KCNQ1: variants seen among roughly 807,000 people sequenced by gnomAD.
The protein encoded by KCNQ1 is potassium voltage-gated channel subfamily Q member 1.
In KCNQ1, 49 loss-of-function variants were observed where a neutral mutation model predicts 72.4. The ratio of observed to expected loss-of-function variants is 0.68; its 90% CI spans 0.54 to 0.86. KCNQ1 has a LOEUF of 0.86. Among genes scored for constraint, KCNQ1 ranks in the 40% least tolerant of loss-of-function variants. The pLI is 0.00. For missense variants in KCNQ1, 790 were observed against 945.1 expected (o/e 0.84, Z 2.15); for synonymous variants, 450 against 412.6 (o/e 1.09, Z -1.10).
At chr11:2,587,043 A>G (rs1333872604) in intron 8 of KCNQ1, among the ~76,000 whole-genome samples, 1 of 151,978 alleles carries the variant, frequency 6.6e-6, no homozygotes, top group African/African-American at 2.4e-5. Context: ...GGCTCCCCCA[A>G]CTGCAAGGTG....
chr11:2,517,375 C>G (rs1032998232), intron 1 of KCNQ1, among the ~76,000 whole-genome samples: 1 of 152,122 alleles, frequency 6.6e-6, no homozygotes, highest in African/African-American at 2.4e-5. Flanking sequence ...TGGTGGGAGA[C>G]ATGGCATTCT....
chr11:2,645,350 T>C lies in KCNQ1; in HGVS notation c.1394-16611T>C, dbSNP rs1349098880. On this transcript the variant is annotated intron_variant, in intron 10 of 15. Transcript: ENST00000155840. This position sits in a 1 kb window ranked among gnomAD's most constrained non-coding sequence, Gnocchi z 5.8. Reference sequence around the variant, plus strand: ...GCAGGGTGATCCCTAGGCCCAGAGATGGTATGCGCTGGCACTGGGAGAAAA... The same window carrying C: ...GCAGGGTGATCCCTAGGCCCAGAGACGGTATGCGCTGGCACTGGGAGAAAA... 5.0e-6 allele frequency: 2 copies of C among 398,426 alleles called. No individual in the cohort carries two copies. The highest frequency in any genetic ancestry group is 2.1e-5 in the African/African-American group (1 of 48,534). 24.7% of individuals were successfully genotyped at this position (398,426 alleles called of 1,614,324 possible). A position where few individuals can be genotyped will look rare whatever the true frequency, so the allele number is the denominator to read the frequency against.
At chr11:2,737,336 C>T (rs1205457505) in intron 11 of KCNQ1, among the ~76,000 whole-genome samples, 2 of 152,196 alleles carry the variant, frequency 1.3e-5, no homozygotes, top group Non-Finnish European at 2.9e-5. Context: ...CCAGCCACCT[C>T]TCTGTCCCAG....
intron 1 of KCNQ1, among the ~76,000 whole-genome samples, chr11:2,490,272 G>T (rs1374038561): frequency 1.3e-5 from 2 of 152,232 alleles, no homozygotes; most frequent in Non-Finnish European, 2.9e-5. Context: ...TACCACACCA[G>T]GTAGGTTTCT....
In KCNQ1 at chr11:2,657,365, T is replaced by C. The variant is rs1564847382; in HGVS notation, c.1394-4596T>C. ...GAATGAAGGCATATTTCTCCATTTA[T>C]ATCTTCTTCATTGTCTCTTACTAAA... On this transcript the variant is annotated intron_variant, in intron 10 of 15. Coordinates refer to ENST00000155840, the MANE Select transcript of KCNQ1 (RefSeq NM_000218.3). This position sits in a 1 kb window ranked among gnomAD's most constrained non-coding sequence, Gnocchi z 4.8. 1 of 398,636 alleles carries C rather than the reference T, an allele frequency of 2.5e-6. No individual in the cohort carries two copies. Among genetic ancestry groups the C allele is most frequent in the Non-Finnish European group, 4.4e-6 (1 of 226,056 alleles). The allele number at this position is 398,636 out of a possible 1,614,324, so 24.7% of individuals were successfully genotyped here.
intron 15 of KCNQ1, among the ~76,000 whole-genome samples, chr11:2,794,961 C>T (rs184191145): frequency 6.6e-6 from 1 of 152,276 alleles, no homozygotes; most frequent in East Asian, 1.9e-4. Context: ...CTCATCACAC[C>T]CCCAGAAGCT....
Position 2,652,659 on chromosome 11 carries a change from CG to C in KCNQ1, c.1394-9299del. On this transcript the variant is annotated intron_variant, in intron 10 of 15. Transcript: ENST00000155840. The surrounding 1 kb of genome is among the most constrained non-coding windows in gnomAD (Gnocchi z 5.9). ...AGTGACTTCCTGCAGCATGGAGACC[CG>C]GGTGGGTCGATTTTAGTTGTGTGGG... 2.5e-6 allele frequency: 1 copy of C among 398,740 alleles called. No homozygotes were observed. Among genetic ancestry groups the C allele is most frequent in the Non-Finnish European group, 4.4e-6 (1 of 226,206 alleles). The allele number at this position is 398,740 out of a possible 1,614,324, so 24.7% of individuals were successfully genotyped here.
intron 1 of KCNQ1, among the ~76,000 whole-genome samples, chr11:2,480,061 C>T (rs1846629354): frequency 6.6e-6 from 1 of 152,198 alleles, no homozygotes; most frequent in African/African-American, 2.4e-5. Context: ...TCTGAGACCA[C>T]CTCAGCCTGG....
At chr11:2,569,330 T>A (rs921928366) in intron 2 of KCNQ1, among the ~76,000 whole-genome samples, 2 of 152,258 alleles carry the variant, frequency 1.3e-5, no homozygotes, top group African/African-American at 4.8e-5. Flanking sequence ...TCTCCCCTTA[T>A]CCATTGGGCT....
rs1848634367 is a variant in KCNQ1 at position 2,588,910 on chromosome 11, T to C, written c.1393+56T>C. ...GGGGCCGGGAAGGTCACTGCCTTTT[T>C]TGGGAGCCCGAGCAAGCCAGTGAGT... On this transcript the variant is annotated intron_variant, in intron 10 of 15. Coordinates refer to ENST00000155840, the MANE Select transcript of KCNQ1 (RefSeq NM_000218.3). The surrounding 1 kb of genome is among the most constrained non-coding windows in gnomAD (Gnocchi z 5.6). 4 of 1,596,206 alleles carry C rather than the reference T, an allele frequency of 2.5e-6. No individual in the cohort carries two copies. Among genetic ancestry groups the C allele is most frequent in the South Asian group, 1.1e-5 (1 of 89,592 alleles).
intron 8 of KCNQ1, among the ~76,000 whole-genome samples, chr11:2,586,109 A>G (rs556624039): frequency 6.6e-6 from 1 of 152,302 alleles, no homozygotes; most frequent in Admixed American, 6.5e-5. Context: ...GTTGAATGAC[A>G]AGTGCCCACT....
intron 13 of KCNQ1, among the ~76,000 whole-genome samples, chr11:2,776,352 C>T (rs543105183): frequency 1.6e-4 from 25 of 152,290 alleles, no homozygotes; most frequent in African/African-American, 5.8e-4. Context: ...CGTCCCTGCT[C>T]AGGTAGCAAC....
At chr11:2,666,477 A>C (rs544136080) in intron 11 of KCNQ1, 17 of 398,692 alleles carry the variant, frequency 4.3e-5, no homozygotes, top group African/African-American at 3.3e-4. Context: ...TCTCACGCCA[A>C]GACATTCGAG....
In KCNQ1 at chr11:2,624,489, C is replaced by T. The variant is rs1211622918; in HGVS notation, c.1393+35635C>T. The T allele has an allele frequency of 2.5e-6, 1 of 398,362 alleles. No individual in the cohort carries two copies. Among genetic ancestry groups the T allele is most frequent in the African/African-American group, 2.1e-5 (1 of 48,600 alleles). 24.7% of individuals were successfully genotyped at this position (398,362 alleles called of 1,614,324 possible). A position where few individuals can be genotyped will look rare whatever the true frequency, so the allele number is the denominator to read the frequency against. Reference sequence around the variant, plus strand: ...TGGTGTCATATCTAAAAAGCCATCACCAAACTAAAGATCATCTAGATTTCT... The same window carrying T: ...TGGTGTCATATCTAAAAAGCCATCATCAAACTAAAGATCATCTAGATTTCT... On this transcript the variant is annotated intron_variant, in intron 10 of 15. Coordinates refer to ENST00000155840, the MANE Select transcript of KCNQ1 (RefSeq NM_000218.3). The surrounding 1 kb of genome is among the most constrained non-coding windows in gnomAD (Gnocchi z 4.9).
rs1374503938 is a variant in KCNQ1, at chr11:2,669,064, A to G, written c.1514+6983A>G. ...GCATGGGAAGGCCCGTCCTCTCCCA[A>G]CTACCCTGCCGTATCAGTGTCTTTA... On this transcript the variant is annotated intron_variant, in intron 11 of 15. Transcript: ENST00000155840. The surrounding 1 kb of genome is among the most constrained non-coding windows in gnomAD (Gnocchi z 5.6). The G allele has an allele frequency of 2.5e-6, 1 of 398,654 alleles. No homozygotes were observed. Among genetic ancestry groups the G allele is most frequent in the Non-Finnish European group, 4.4e-6 (1 of 226,096 alleles). The allele number at this position is 398,654 out of a possible 1,614,324, so 24.7% of individuals were successfully genotyped here.
At position 2,471,747 on chromosome 11, in the gene KCNQ1, C is replaced by T. The variant is rs118126268; in HGVS notation, c.386+26263C>T. On this transcript the variant is annotated intron_variant, in intron 1 of 15. Transcript: ENST00000155840. The surrounding 1 kb of genome is among the most constrained non-coding windows in gnomAD (Gnocchi z 4.8). ...ATGGGCGTGTGTATGTGTGCATGGGCGTGTGTGTACTTGTGTATGGGTGTG... is the reference window on the plus strand; with the variant it reads ...ATGGGCGTGTGTATGTGTGCATGGGTGTGTGTGTACTTGTGTATGGGTGTG... 3.5e-4 allele frequency among the ~76,000 whole-genome samples: 50 copies of T among 143,174 alleles called. No homozygotes were observed. In the East Asian group the frequency reaches 6.4e-3, roughly 18 times the overall value. The allele number at this position is 143,174 out of a possible 152,430, so 93.9% of individuals were successfully genotyped here.
chr11:2,534,347 G>T (rs1032464127), intron 2 of KCNQ1, among the ~76,000 whole-genome samples: 1 of 152,244 alleles, frequency 6.6e-6, no homozygotes, highest in Non-Finnish European at 1.5e-5. Context: ...GGCCTGGGGC[G>T]GTTTCCCGCA....
chr11:2,833,444 C>T (rs1847994995), intron 15 of KCNQ1, among the ~76,000 whole-genome samples: 1 of 152,208 alleles, frequency 6.6e-6, no homozygotes, highest in Non-Finnish European at 1.5e-5. Context: ...GAGGGAGTCT[C>T]AGCCTTAGGG....
Position 2,828,243 on chromosome 11 carries a change from G to A in KCNQ1, c.1795-19524G>A, listed in dbSNP as rs539460343. Among the ~76,000 whole-genome samples the A allele has an allele frequency of 2.6e-4, 39 of 152,326 alleles. 2 individuals carry two copies. The South Asian group carries it at 5.0e-3, about 19-fold the overall frequency. ...AGAAGTCAGGACAGGAGATGGTGTC[G>A]TCAGGGGGCTGCTGGAAGGTTTGGT... On this transcript the variant is annotated intron_variant, in intron 15 of 15. Coordinates refer to ENST00000155840, the MANE Select transcript of KCNQ1 (RefSeq NM_000218.3). The surrounding 1 kb of genome is among the most constrained non-coding windows in gnomAD (Gnocchi z 5.3).
Sources: allele counts gnomAD v4.1 joint callset (sites outside exome capture counted in the v4.1 genomes callset), GRCh38; gene constraint gnomAD v4.1.1; non-coding constraint Gnocchi (gnomAD v3.1); transcripts MANE v1.5; gene names NCBI Gene and HGNC (gene_info 2026-07-23, HGNC 2026-07-21).